The following CDH13 variants were observed in gnomAD, a reference collection of about 807,000 sequenced individuals.
The protein encoded by CDH13 is cadherin 13, also known as cadherin-13.
In CDH13, 24 loss-of-function variants were observed where a neutral mutation model predicts 63.8. The observed-to-expected ratio is 0.38, with a 90% CI of 0.27 to 0.53. The LOEUF (loss-of-function observed/expected upper bound fraction) is 0.53. Among genes scored for constraint, CDH13 ranks in the 20% least tolerant of loss-of-function variants. The pLI is 0.85. For synonymous variants in CDH13, 503 were observed against 355.3 expected, an observed-to-expected ratio of 1.42 and a Z score of -4.67; for missense variants, 1,049 against 903.1, an observed-to-expected ratio of 1.16 and a Z score of -2.07.
chr16:83,159,324 A>G (rs1175406597), intron 4 of CDH13, among the ~76,000 whole-genome samples: 1 of 152,204 alleles, frequency 6.6e-6, no homozygotes, highest in African/African-American at 2.4e-5. Context: ...GACCAGAGAG[A>G]TTATTACAAA....
intron 3 of CDH13, among the ~76,000 whole-genome samples, chr16:83,092,872 G>C (rs1459594745): frequency 6.6e-6 from 1 of 152,142 alleles, no homozygotes; most frequent in African/African-American, 2.4e-5. Context: ...TGTGGGTGAA[G>C]ATCTGAAAGT....
chr16:83,456,253 T>C (rs557057882), intron 6 of CDH13, among the ~76,000 whole-genome samples: 1 of 152,252 alleles, frequency 6.6e-6, no homozygotes, highest in African/African-American at 2.4e-5. Flanking sequence ...GATGTGGCAG[T>C]TACAGGTGTC....
At chr16:83,135,951 G>A (rs1200571582) in intron 4 of CDH13, among the ~76,000 whole-genome samples, 1 of 152,136 alleles carries the variant, frequency 6.6e-6, no homozygotes, top group Non-Finnish European at 1.5e-5. Context: ...TGTCCCCACT[G>A]ACATGTGGGA....
At chr16:83,088,669 A>G (rs903746305) in intron 3 of CDH13, among the ~76,000 whole-genome samples, 1 of 152,214 alleles carries the variant, frequency 6.6e-6, no homozygotes, top group Admixed American at 6.5e-5. Flanking sequence ...AACTTTTCCA[A>G]AAACATGGGA....
chr16:83,493,516 C>G (rs2074067066), intron 7 of CDH13, among the ~76,000 whole-genome samples: 1 of 152,266 alleles, frequency 6.6e-6, no homozygotes, highest in Non-Finnish European at 1.5e-5. Context: ...CAAACCGAAC[C>G]TTGATGGCTG....
At position 82,813,128 on chromosome 16, in the gene CDH13, T is replaced by C. The variant is rs555670198; in HGVS notation, c.46-45234T>C. ...GAAGACAAAGTGATTTAATGTGTGCTGAAGTAAGCTGGAAATTCAGGTGTT... is the reference window on the plus strand; with the variant it reads ...GAAGACAAAGTGATTTAATGTGTGCCGAAGTAAGCTGGAAATTCAGGTGTT... On this transcript the variant is annotated intron_variant, in intron 1 of 13. Transcript: ENST00000567109. 3.9e-5 allele frequency among the ~76,000 whole-genome samples: 6 copies of C among 152,308 alleles called. No individual in the cohort carries two copies. In the South Asian group the frequency reaches 1.2e-3, roughly 32 times the overall value.
intron 1 of CDH13, among the ~76,000 whole-genome samples, chr16:82,790,958 C>T (rs1453960968): frequency 6.6e-6 from 1 of 152,254 alleles, no homozygotes; most frequent in East Asian, 1.9e-4. Context: ...CCTAAGCCAG[C>T]TGTGCCTGGT....
intron 2 of CDH13, among the ~76,000 whole-genome samples, chr16:82,939,935 C>G (rs1205946303): frequency 6.6e-6 from 1 of 152,152 alleles, no homozygotes; most frequent in African/African-American, 2.4e-5. Context: ...GACTCACAGC[C>G]CTCACAATCA....
At chr16:82,837,727 G>C (rs927541246) in intron 1 of CDH13, among the ~76,000 whole-genome samples, 7 of 152,178 alleles carry the variant, frequency 4.6e-5, no homozygotes, top group African/African-American at 9.7e-5. Context: ...TTTACTGGGA[G>C]CTCATCGAGC....
chr16:83,653,851 C>G (rs963553638), intron 8 of CDH13, among the ~76,000 whole-genome samples: 17 of 152,152 alleles, frequency 1.1e-4, no homozygotes, highest in African/African-American at 4.1e-4. Flanking sequence ...GCTGCTGTGT[C>G]CGGCATTAAG....
chr16:83,520,352 G>A (rs1026081108), intron 7 of CDH13, among the ~76,000 whole-genome samples: 1 of 152,198 alleles, frequency 6.6e-6, no homozygotes, highest in South Asian at 2.1e-4. Context: ...TCAGAATAGT[G>A]ACTACCTTGC....
Position 82,921,794 on chromosome 16 carries a change from A to AT in CDH13, c.157+63327dup, listed in dbSNP as rs1016794844. On this transcript the variant is annotated intron_variant, in intron 2 of 13. Transcript: ENST00000567109. ...GTTGGGAAGTGTTCTCTCCTCCTATATTTTTTGGGAGAGTTTGTAAAATAC... is the reference window on the plus strand; with the variant it reads ...GTTGGGAAGTGTTCTCTCCTCCTATATTTTTTTGGGAGAGTTTGTAAAATAC... 5.4e-4 allele frequency among the ~76,000 whole-genome samples: 82 copies of AT among 152,040 alleles called. 1 individual carries two copies. Among genetic ancestry groups the AT allele is most frequent in the African/African-American group, 1.8e-3 (75 of 41,474 alleles).
At chr16:83,268,769 A>G (rs1357700463) in intron 5 of CDH13, among the ~76,000 whole-genome samples, 1 of 152,230 alleles carries the variant, frequency 6.6e-6, no homozygotes, top group Non-Finnish European at 1.5e-5. Flanking sequence ...ATGAACTACT[A>G]TTGGGTATAA....
intron 1 of CDH13, among the ~76,000 whole-genome samples, chr16:82,853,841 T>G (rs779630039): frequency 6.6e-6 from 1 of 152,218 alleles, no homozygotes; most frequent in Non-Finnish European, 1.5e-5. Flanking sequence ...TTTGGAATGA[T>G]GCTCAGAGCA....
intron 5 of CDH13, among the ~76,000 whole-genome samples, chr16:83,311,305 TGCTTTGCA>T (rs1383354911): frequency 6.6e-6 from 1 of 151,642 alleles, no homozygotes; most frequent in Admixed American, 6.6e-5. Flanking sequence ...GAAAGGAGGC[TGCTTTGCA>T]GCAAGGAGAT....
intron 10 of CDH13, among the ~76,000 whole-genome samples, chr16:83,690,982 A>T (rs1904803566): frequency 6.6e-6 from 1 of 152,042 alleles, no homozygotes; most frequent in African/African-American, 2.4e-5. Context: ...TCGGCCTCCC[A>T]AAGTGCTGGG....
Position 83,696,914 on chromosome 16 carries a change from C to A in CDH13, c.1538+18453C>A, listed in dbSNP as rs114247761. ...CCTCCCATTTCACACTGAAGTAAAACCCAGACCCCCTGCCCTGGCCCAGGA... is the reference window on the plus strand; with the variant it reads ...CCTCCCATTTCACACTGAAGTAAAAACCAGACCCCCTGCCCTGGCCCAGGA... On this transcript the variant is annotated intron_variant, in intron 10 of 13. Transcript: ENST00000567109. Among the ~76,000 whole-genome samples, 1,023 of 152,270 alleles carry A rather than the reference C, an allele frequency of 6.7e-3. 13 individuals carry two copies. Among genetic ancestry groups the A allele is most frequent in the African/African-American group, 0.023 (953 of 41,546 alleles).
chr16:83,103,621 C>T (rs11150538), intron 3 of CDH13, among the ~76,000 whole-genome samples: 64,941 of 151,906 alleles, frequency 0.43, 14,885 homozygotes, highest in Middle Eastern at 0.62. Flanking sequence ...AGGCTCTGAG[C>T]GGAATGGCCT....
At chr16:83,611,322 T>C (rs1908841881) in intron 8 of CDH13, among the ~76,000 whole-genome samples, 1 of 152,092 alleles carries the variant, frequency 6.6e-6, no homozygotes, top group Non-Finnish European at 1.5e-5. Context: ...TGTGCTCTAT[T>C]TTTGCCTACC....
Sources: gnomAD v4.1 joint callset for allele counts (sites outside exome capture counted in the v4.1 genomes callset) on GRCh38, gnomAD v4.1.1 for gene constraint, MANE v1.5 for transcripts, NCBI Gene and HGNC (gene_info 2026-07-23, HGNC 2026-07-21) for gene names.